The following CPNE4 variants were observed in gnomAD, a reference collection of about 807,000 sequenced individuals.
The protein encoded by CPNE4 is copine 4.
A neutral mutation model predicts 67.9 loss-of-function variants in CPNE4; 25 were observed. The ratio of observed to expected loss-of-function variants is 0.37; its 90% CI spans 0.27 to 0.51. The LOEUF (loss-of-function observed/expected upper bound fraction) is 0.51. Among genes scored for constraint, CPNE4 ranks in the 20% least tolerant of loss-of-function variants. The probability of loss-of-function intolerance (pLI) is 0.93; values close to 1 mark genes in which losing one functional copy is unlikely to be tolerated. For synonymous variants in CPNE4, 242 were observed against 244.9 expected, an observed-to-expected ratio of 0.99 and a Z score of 0.11; for missense variants, 464 against 690.8, an observed-to-expected ratio of 0.67 and a Z score of 3.68.
intron 3 of CPNE4, among the ~76,000 whole-genome samples, chr3:131,705,282 T>A (rs1205976159): frequency 3.9e-5 from 6 of 152,130 alleles, no homozygotes; most frequent in Non-Finnish European, 8.8e-5. Context: ...GCTGGGGAGC[T>A]TGTTAGAAAT....
chr3:131,783,959 G>C (rs959519403), intron 2 of CPNE4, among the ~76,000 whole-genome samples: 19 of 152,214 alleles, frequency 1.2e-4, no homozygotes, highest in African/African-American at 4.6e-4. Context: ...GCTGAAGTAC[G>C]GTGAGAAGTC....
At chr3:131,573,133 T>A (rs187156087) in intron 10 of CPNE4, among the ~76,000 whole-genome samples, 1 of 152,208 alleles carries the variant, frequency 6.6e-6, no homozygotes, top group East Asian at 1.9e-4. Flanking sequence ...TACCTAGCAA[T>A]TCTCTTCTGA....
intron 1 of CPNE4, among the ~76,000 whole-genome samples, chr3:131,995,871 T>C (rs1001571640): frequency 3.3e-5 from 5 of 152,188 alleles, no homozygotes; most frequent in African/African-American, 9.6e-5. Context: ...CACTGCAGCA[T>C]ATTTAGCAAG....
chr3:132,027,649 C>A (rs2074141696), intron 1 of CPNE4, among the ~76,000 whole-genome samples: 1 of 151,918 alleles, frequency 6.6e-6, no homozygotes, highest in African/African-American at 2.4e-5. Flanking sequence ...TCAAAGGTGT[C>A]CATCCCTAGT....
chr3:131,721,580 A>T (rs531490934), intron 3 of CPNE4, among the ~76,000 whole-genome samples: 1 of 152,194 alleles, frequency 6.6e-6, no homozygotes, highest in African/African-American at 2.4e-5. Flanking sequence ...TATTTTTAGT[A>T]GAGACGGGGT....
intron 5 of CPNE4, among the ~76,000 whole-genome samples, chr3:131,693,899 T>C (rs2081089200): frequency 6.6e-6 from 1 of 152,210 alleles, no homozygotes; most frequent in Admixed American, 6.6e-5. Context: ...TGAGTCCCTC[T>C]CTTGCACTGA....
intron 2 of CPNE4, among the ~76,000 whole-genome samples, chr3:131,816,492 G>A (rs2084749190): frequency 1.3e-5 from 2 of 152,106 alleles, no homozygotes; most frequent in South Asian, 4.1e-4. Context: ...GGAAATACGA[G>A]CAGTTTTCTT....
chr3:131,665,309 G>T (rs771544607), intron 7 of CPNE4, among the ~76,000 whole-genome samples: 1 of 151,914 alleles, frequency 6.6e-6, no homozygotes, highest in African/African-American at 2.4e-5. Flanking sequence ...TCACATTGAG[G>T]GTATTAGAAG....
chr3:131,923,235 T>G lies in CPNE4; in HGVS notation c.-1-17791A>C, dbSNP rs138200544. On this transcript the variant is annotated intron_variant, in intron 1 of 15. Transcript: ENST00000429747. ...TAGTCCTCTTTTGTGCTGATAGTAT[T>G]ACCAAAGAAACAGAGGCAAAAATGT... Among the ~76,000 whole-genome samples the G allele has an allele frequency of 7.2e-4, 110 of 152,298 alleles. 1 individual carries two copies. Among genetic ancestry groups the G allele is most frequent in the African/African-American group, 2.5e-3 (105 of 41,566 alleles).
intron 7 of CPNE4, among the ~76,000 whole-genome samples, chr3:131,600,577 T>A (rs1453868425): frequency 6.6e-6 from 1 of 152,172 alleles, no homozygotes; most frequent in Non-Finnish European, 1.5e-5. Flanking sequence ...AATGAGTTTG[T>A]GCACAGTCAT....
At chr3:131,724,566 G>A (rs548800788) in intron 2 of CPNE4, among the ~76,000 whole-genome samples, 7 of 152,166 alleles carry the variant, frequency 4.6e-5, no homozygotes, top group Admixed American at 2.0e-4. Context: ...GGAGGACTTC[G>A]CAGGAGATCA....
chr3:131,600,285 T>A (rs1316528696), intron 7 of CPNE4, among the ~76,000 whole-genome samples: 1 of 152,156 alleles, frequency 6.6e-6, no homozygotes. Context: ...CCCTTAGCTA[T>A]TATTAGCCTC....
chr3:131,863,770 A>T (rs1414814769), intron 2 of CPNE4, among the ~76,000 whole-genome samples: 3 of 152,208 alleles, frequency 2.0e-5, no homozygotes, highest in Admixed American at 1.3e-4. Context: ...TTAGACATGA[A>T]GTCCTTGCCC....
chr3:131,800,464 T>C (rs1400996158), intron 2 of CPNE4, among the ~76,000 whole-genome samples: 1 of 152,188 alleles, frequency 6.6e-6, no homozygotes, highest in Non-Finnish European at 1.5e-5. Context: ...GATGACTAGA[T>C]GGACGGATAA....
At chr3:132,011,076 A>G (rs1308496350) in intron 1 of CPNE4, among the ~76,000 whole-genome samples, 1 of 152,150 alleles carries the variant, frequency 6.6e-6, no homozygotes, top group African/African-American at 2.4e-5. Context: ...AAGCTCAGAA[A>G]CGGGAAGGGA....
intron 1 of CPNE4, among the ~76,000 whole-genome samples, chr3:132,007,257 T>G (rs1004601077): frequency 6.6e-5 from 10 of 152,208 alleles, no homozygotes; most frequent in Admixed American, 1.3e-4. Context: ...CACTTCTTTT[T>G]GACCCCAGAA....
intron 1 of CPNE4, among the ~76,000 whole-genome samples, chr3:131,912,640 C>T (rs917306529): frequency 1.3e-5 from 2 of 152,062 alleles, no homozygotes; most frequent in African/African-American, 2.4e-5. Flanking sequence ...ATTTCCTAGG[C>T]AACATTCCTT....
chr3:131,875,524 C>T (rs898552009), intron 2 of CPNE4, among the ~76,000 whole-genome samples: 2 of 152,084 alleles, frequency 1.3e-5, no homozygotes, highest in African/African-American at 2.4e-5. Context: ...AGTTCATGTC[C>T]TTTGTAGGGA....
intron 1 of CPNE4, among the ~76,000 whole-genome samples, chr3:132,000,909 C>T (rs950374215): frequency 2.0e-5 from 3 of 150,506 alleles, no homozygotes; most frequent in South Asian, 2.1e-4. Context: ...TATCCACAAT[C>T]GTCAATCGTG....
Sources: gnomAD v4.1 joint callset for allele counts (sites outside exome capture counted in the v4.1 genomes callset) on GRCh38, gnomAD v4.1.1 for gene constraint, MANE v1.5 for transcripts, NCBI Gene and HGNC (gene_info 2026-07-23, HGNC 2026-07-21) for gene names.